Variants in RELCH observed in about 807,000 individuals in gnomAD.
RELCH encodes the protein RAB11 binding and LisH domain, coiled-coil and HEAT repeat containing, also known as RAB11-binding protein RELCH.
A neutral mutation model predicts 150.3 loss-of-function variants in RELCH; 41 were observed. The observed-to-expected ratio is 0.27, with a 90% CI of 0.21 to 0.35. The LOEUF is 0.35. Ranked by LOEUF, RELCH falls within the 10% of genes least tolerant of loss-of-function variation. The pLI is 1.00. For missense variants in RELCH, 1,092 were observed against 1,467.8 expected, an observed-to-expected ratio of 0.74 and a Z score of 4.18; for synonymous variants, 478 against 531.8, an observed-to-expected ratio of 0.90 and a Z score of 1.39.
At chr18:62,191,763 A>C (rs1599754843) in intron 1 of RELCH, among the ~76,000 whole-genome samples, 1 of 152,116 alleles carries the variant, frequency 6.6e-6, no homozygotes, top group African/African-American at 2.4e-5. Flanking sequence ...CATGGTGTGC[A>C]TGTATCACAT....
At chr18:62,285,326 A>C (rs2044734742) in intron 25 of RELCH, 2 of 152,172 alleles carry the variant, frequency 1.3e-5, no homozygotes, top group East Asian at 3.9e-4. Context: ...ATACGGTTTT[A>C]TAAAATCTCC....
At position 62,291,759 on chromosome 18, in the gene RELCH, G is replaced by A. The variant is rs145541232; in HGVS notation, c.3459+128G>A. 26 of 620,300 alleles carry A rather than the reference G, an allele frequency of 4.2e-5. No individual in the cohort carries two copies. The East Asian group carries it at 4.4e-4, about 11-fold the overall frequency. 38.4% of individuals were successfully genotyped at this position (620,300 alleles called of 1,614,324 possible). A position where few individuals can be genotyped will look rare whatever the true frequency, so the allele number is the denominator to read the frequency against. ...AAATCTAGCTCAATGTCATTTTATCGATTTATTTACTAGATGCGATATCTT... is the reference window on the plus strand; with the variant it reads ...AAATCTAGCTCAATGTCATTTTATCAATTTATTTACTAGATGCGATATCTT... On this transcript the variant is annotated intron_variant, in intron 27 of 28. Transcript: ENST00000644646.
rs369534661 is a variant in RELCH at position 62,286,525 on chromosome 18, G to A, written c.3254-826G>A. 1.3e-4 allele frequency among the ~76,000 whole-genome samples: 20 copies of A among 152,134 alleles called. No homozygotes were observed. In the East Asian group the frequency reaches 2.3e-3, roughly 18 times the overall value. Reference sequence around the variant, plus strand: ...CAAACTCAGTGCAAACAAGAAAGGGGTCACTACAGTTGGTCAGCAGTTGAT... The same window carrying A: ...CAAACTCAGTGCAAACAAGAAAGGGATCACTACAGTTGGTCAGCAGTTGAT... On this transcript the variant is annotated intron_variant, in intron 25 of 28. Transcript: ENST00000644646.
intron 11 of RELCH, among the ~76,000 whole-genome samples, chr18:62,252,232 C>T (rs1456468979): frequency 6.6e-6 from 1 of 151,274 alleles, no homozygotes; most frequent in Non-Finnish European, 1.5e-5. Context: ...ATCTCCTGAC[C>T]TCATGATCTG....
chr18:62,260,193 C>CAAAAAAAAAAAAAAAAA (rs377119786), intron 15 of RELCH, among the ~76,000 whole-genome samples: 40 of 95,720 alleles, frequency 4.2e-4, no homozygotes, highest in East Asian at 1.3e-3. Flanking sequence ...AACTCAACAG[C>CAAAAAAAAAAAAAAAAA]AAAAAAAAAA....
chr18:62,251,340 A>G (rs1426778760), intron 11 of RELCH, among the ~76,000 whole-genome samples: 1 of 152,224 alleles, frequency 6.6e-6, no homozygotes, highest in Admixed American at 6.5e-5. Flanking sequence ...ACAGTTGGTC[A>G]TTGTCAAGAA....
intron 21 of RELCH, among the ~76,000 whole-genome samples, chr18:62,274,583 C>T (rs2044091606): frequency 6.6e-6 from 1 of 152,200 alleles, no homozygotes. Context: ...CCAACATACC[C>T]TTCCGTATAG....
At chr18:62,203,993 A>G (rs149690233) in intron 1 of RELCH, among the ~76,000 whole-genome samples, 214 of 152,196 alleles carry the variant, frequency 1.4e-3, no homozygotes, top group African/African-American at 3.9e-3. Flanking sequence ...AAACAGCAAG[A>G]TATAAGATTG....
intron 5 of RELCH, among the ~76,000 whole-genome samples, chr18:62,222,986 C>T (rs1192111499): frequency 6.6e-6 from 1 of 151,656 alleles, no homozygotes; most frequent in African/African-American, 2.4e-5. Context: ...TAAAATAGCA[C>T]TTAGAGGGAA....
chr18:62,271,965 G>C (rs561133413), intron 20 of RELCH, among the ~76,000 whole-genome samples: 1 of 152,274 alleles, frequency 6.6e-6, no homozygotes, highest in Non-Finnish European at 1.5e-5. Flanking sequence ...TTTGGTGGCA[G>C]TTATTATACT....
chr18:62,271,420 A>C (rs952377829), intron 20 of RELCH, among the ~76,000 whole-genome samples: 10 of 148,738 alleles, frequency 6.7e-5, no homozygotes, highest in Non-Finnish European at 1.3e-4. Flanking sequence ...TATGCTTCAC[A>C]CACTTTTTGA....
In RELCH at chr18:62,187,314, G is replaced by C; in HGVS notation, c.-192G>C. On this transcript the variant is annotated 5_prime_UTR_variant, in exon 1 of 29. Transcript: ENST00000644646. ...GCAGAGCCGGGCTGCTGGTGCAGCA[G>C]AGGCTGAGGCATCAGGTGCAGCTGC... 1 of 445,790 alleles carries C rather than the reference G, an allele frequency of 2.2e-6. No homozygotes were observed. The highest frequency in any genetic ancestry group is 3.9e-6 in the Non-Finnish European group (1 of 256,416). The allele number at this position is 445,790 out of a possible 1,614,324, so 27.6% of individuals were successfully genotyped here. A position where few individuals can be genotyped will look rare whatever the true frequency, so the allele number is the denominator to read the frequency against.
At position 62,257,885 on chromosome 18, in the gene RELCH, A is replaced by C. The variant is rs2043066570; in HGVS notation, c.1897-63A>C. 7.1e-6 allele frequency: 9 copies of C among 1,260,200 alleles called. No individual in the cohort carries two copies. The South Asian group carries it at 1.4e-4, about 19-fold the overall frequency. 78.1% of individuals were successfully genotyped at this position (1,260,200 alleles called of 1,614,324 possible). ...GATTTTGACCACACTGATGTTTGTCATATTATTTTCTATACTTCTGTGCTT... is the reference window on the plus strand; with the variant it reads ...GATTTTGACCACACTGATGTTTGTCCTATTATTTTCTATACTTCTGTGCTT... On this transcript the variant is annotated intron_variant, in intron 13 of 28. Coordinates refer to ENST00000644646, the MANE Select transcript of RELCH (RefSeq NM_001346231.2).
intron 1 of RELCH, among the ~76,000 whole-genome samples, chr18:62,190,775 A>T (rs1384009454): frequency 6.6e-6 from 1 of 151,984 alleles, no homozygotes; most frequent in Admixed American, 6.6e-5. Flanking sequence ...CCTGTGTATT[A>T]TAAAATGTTT....
Position 62,227,357 on chromosome 18 carries a change from G to A in RELCH, c.927G>A (p.Arg309=). ...CTCCAGACTTATTGCAACTCTACCG[G>A]GATTTTGGAAATCATCAAGTAACTG... ...PKPPDLLQLY[R]DFGNHQVTGK... The change falls in exon 6 of 29, where the codon CGG becomes CGA. Residue 309 remains arginine (R), a synonymous_variant. Transcript: ENST00000644646. 6.2e-7 allele frequency: 1 copy of A among 1,612,456 alleles called. No individual in the cohort carries two copies. The highest frequency in any genetic ancestry group is 8.5e-7 in the Non-Finnish European group (1 of 1,179,030).
At chr18:62,218,759 G>T (rs1443382334) in intron 2 of RELCH, among the ~76,000 whole-genome samples, 1 of 151,898 alleles carries the variant, frequency 6.6e-6, no homozygotes, top group African/African-American at 2.4e-5. Flanking sequence ...TGAGCCACTT[G>T]GTTGGTCATT....
chr18:62,257,927 T>TA (rs2043070629), intron 13 of RELCH, 21 bp from the exon 14 acceptor site: 3 of 1,569,656 alleles, frequency 1.9e-6, no homozygotes. Context: ...AAATAAATAG[T>TA]AAAAACATGT....
intron 14 of RELCH, 131 bp downstream of exon 14, chr18:62,258,219 G>C: frequency 1.2e-6 from 1 of 854,090 alleles, no homozygotes; most frequent in Non-Finnish European, 1.8e-6. Context: ...AGTCATCTGG[G>C]GATGGCTGCC....
chr18:62,187,958 G>A lies in RELCH; in HGVS notation c.453G>A (p.Gly151=). The part of the protein sequence containing the change: ...SGTPPGMGAP[G]VPGAAGVGGA... ...CCCCGCCGGGGATGGGGGCGCCAGG[G>A]GTCCCTGGAGCAGCCGGCGTTGGGG... is the stretch of plus-strand genomic sequence containing the variant. The change falls in exon 1 of 29, where the codon GGG becomes GGA. Residue 151 remains glycine (G), a synonymous_variant. Coordinates refer to ENST00000644646, the MANE Select transcript of RELCH (RefSeq NM_001346231.2). The A allele has an allele frequency of 6.3e-7, 1 of 1,599,748 alleles. No homozygotes were observed. The highest frequency in any genetic ancestry group is 8.5e-7 in the Non-Finnish European group (1 of 1,174,184).
Sources: gnomAD v4.1 joint callset for allele counts (sites outside exome capture counted in the v4.1 genomes callset) on GRCh38, gnomAD v4.1.1 for gene constraint, MANE v1.5 for transcripts, NCBI Gene and HGNC (gene_info 2026-07-23, HGNC 2026-07-21) for gene names.